The following INTS8 variants were observed in gnomAD, a reference collection of about 807,000 sequenced individuals.
INTS8 encodes the protein integrator complex subunit 8, also known as protein kaonashi-1.
A neutral mutation model predicts 138.9 loss-of-function variants in INTS8; 47 were observed. That is an observed-to-expected ratio of 0.34 (90% confidence interval 0.27 to 0.43). INTS8 has a LOEUF of 0.43. Among genes scored for constraint, INTS8 ranks in the 20% least tolerant of loss-of-function variants. INTS8 has a pLI of 1.00. For missense variants in INTS8, 996 were observed against 1,173.0 expected (o/e 0.85, Z 2.20); for synonymous variants, 392 against 400.9 (o/e 0.98, Z 0.27).
In INTS8 at chr8:94,823,316, C is replaced by T. The variant is rs1308390439; in HGVS notation, c.-116C>T. On this transcript the variant is annotated 5_prime_UTR_variant, in exon 1 of 27. The change creates a new upstream start codon in the 5' untranslated region. Coordinates refer to ENST00000523731, the MANE Select transcript of INTS8 (RefSeq NM_017864.4). The stretch of plus-strand genomic sequence containing the variant: ...TTTTGGATTGTGTGAGTTTCCGGGA[C>T]GTTCGGAGGGTGGCCTCTCTCCCAC... 15 of 1,520,208 alleles carry T rather than the reference C, an allele frequency of 9.9e-6. No individual in the cohort carries two copies. Among genetic ancestry groups the T allele is most frequent in the African/African-American group, 4.1e-5 (3 of 72,564 alleles). 94.2% of individuals were successfully genotyped at this position (1,520,208 alleles called of 1,614,324 possible).
In INTS8 at chr8:94,865,702, T is replaced by A. The variant is rs1435110364; in HGVS notation, c.2261+12T>A. The A allele has an allele frequency of 6.2e-7, 1 of 1,607,906 alleles. No homozygotes were observed. The highest frequency in any genetic ancestry group is 8.5e-7 in the Non-Finnish European group (1 of 1,174,912). ...GGTATCATGTATCGGTATGTATTGG[T>A]ACGTTTCTATTAGTTGTGTTTGAGT... On this transcript the variant is annotated intron_variant, in intron 17 of 26. Transcript: ENST00000523731.
chr8:94,853,721 C>T (rs1586500773), intron 13 of INTS8, 84 bp from the exon 14 acceptor site: 6 of 717,824 alleles, frequency 8.4e-6, no homozygotes, highest in African/African-American at 3.6e-5. Context: ...GTTTTAAATG[C>T]GATTGAAGAT....
rs555879473 is a variant in INTS8, at chr8:94,825,833, G to T, written c.305+766G>T. ...TAGGAAATAATTGGGGAGGAGAGGGGTTTTTTTTGACATTTTCATGTAATT... is the reference window on the plus strand; with the variant it reads ...TAGGAAATAATTGGGGAGGAGAGGGTTTTTTTTTGACATTTTCATGTAATT... On this transcript the variant is annotated intron_variant, in intron 2 of 26. Transcript: ENST00000523731. 2.1e-3 allele frequency among the ~76,000 whole-genome samples: 324 copies of T among 151,718 alleles called. 2 individuals are homozygous for T. The highest frequency in any genetic ancestry group is 6.0e-3 in the African/African-American group (248 of 41,436).
intron 10 of INTS8, among the ~76,000 whole-genome samples, chr8:94,847,726 T>G (rs955667657): frequency 6.6e-6 from 1 of 152,150 alleles, no homozygotes; most frequent in Non-Finnish European, 1.5e-5. Context: ...GTGCATGAAA[T>G]TCACATAACA....
chr8:94,868,074 A>G (rs1167125721), intron 20 of INTS8, among the ~76,000 whole-genome samples: 1 of 152,196 alleles, frequency 6.6e-6, no homozygotes, highest in African/African-American at 2.4e-5. Flanking sequence ...GTAGGAACTA[A>G]ACTAAACTTC....
In INTS8 at chr8:94,841,572, T is replaced by C. The variant is rs1586483777; in HGVS notation, c.1099T>C (p.Phe367Leu). 2 of 1,590,880 alleles carry C rather than the reference T, an allele frequency of 1.3e-6. No homozygotes were observed. Residue 367 changes from phenylalanine to leucine, a missense_variant, in exon 9 of 27, where the codon TTT becomes CTT. Coordinates refer to ENST00000523731, the MANE Select transcript of INTS8 (RefSeq NM_017864.4). The part of the protein sequence containing the change: ...QFRQSVLREL[F>L]KKAQQGNEAL... ...CCGACAGTCAGTCCTAAGAGAACTC[T>C]TTAAGAAAGCTCAACAGGGGTAAGT... is the stretch of plus-strand genomic sequence containing the variant.
At chr8:94,858,422 A>C (rs1586507453) in intron 15 of INTS8, among the ~76,000 whole-genome samples, 1 of 152,326 alleles carries the variant, frequency 6.6e-6, no homozygotes, top group East Asian at 1.9e-4. Context: ...TGTCTTCATG[A>C]GGATTGATCT....
intron 23 of INTS8, 121 bp from the exon 24 acceptor site, chr8:94,875,953 A>G (rs1816550773): frequency 1.4e-6 from 1 of 716,764 alleles, no homozygotes; most frequent in Non-Finnish European, 2.5e-6. Context: ...ATTGGATGGA[A>G]TCCATAACTA....
intron 2 of INTS8, among the ~76,000 whole-genome samples, chr8:94,827,059 T>C (rs1814535360): frequency 2.6e-5 from 4 of 152,186 alleles, no homozygotes; most frequent in Admixed American, 2.6e-4. Context: ...GAGCCAAGAT[T>C]GTGCCACTGC....
chr8:94,836,577 T>C lies in INTS8; in HGVS notation c.807T>C (p.Ala269=), dbSNP rs1280788417. The C allele has an allele frequency of 1.2e-6, 2 of 1,614,000 alleles. No homozygotes were observed. The highest frequency in any genetic ancestry group is 2.2e-5 in the East Asian group (1 of 44,880). ...TCCAGCAAGGCTCCACAAATTCAGC[T>C]GTCTATGAAAATGCCAGGGAAAAAT... is the stretch of plus-strand genomic sequence containing the variant. ...AYFQQGSTNS[A]VYENAREKFF... Residue 269 remains alanine (A), a synonymous_variant, in exon 7 of 27, where the codon GCT becomes GCC. Transcript: ENST00000523731.
At chr8:94,836,162 G>A (rs914724540) in intron 6 of INTS8, among the ~76,000 whole-genome samples, 5 of 152,128 alleles carry the variant, frequency 3.3e-5, no homozygotes, top group African/African-American at 9.7e-5. Flanking sequence ...GGTCTGGTCC[G>A]GGTGGCTATG....
At chr8:94,866,911 C>G (rs1487694269) in intron 18 of INTS8, 1 of 454,128 alleles carries the variant, frequency 2.2e-6, no homozygotes, top group Non-Finnish European at 3.9e-6. Flanking sequence ...GCACCATAAG[C>G]CAAACATTTA....
chr8:94,861,681 T>A (rs1385830549), intron 16 of INTS8, among the ~76,000 whole-genome samples: 7 of 151,640 alleles, frequency 4.6e-5, no homozygotes, highest in Non-Finnish European at 8.8e-5. Context: ...GCCCCCCGAG[T>A]AGCTGGGATT....
intron 6 of INTS8, among the ~76,000 whole-genome samples, chr8:94,833,044 A>G (rs370629174): frequency 6.6e-6 from 1 of 150,530 alleles, no homozygotes; most frequent in Non-Finnish European, 1.5e-5. Context: ...TTTTTTTTTA[A>G]TATGTTCTGC....
chr8:94,831,482 CTTTTTTT>C (rs11482467), intron 5 of INTS8, among the ~76,000 whole-genome samples: 4 of 121,580 alleles, frequency 3.3e-5, no homozygotes, highest in South Asian at 2.7e-4. Context: ...TTGTCTTTTT[CTTTTTTT>C]TTTTTTTTTT....
intron 26 of INTS8, chr8:94,879,902 C>A (rs530451100): frequency 1.9e-4 from 64 of 343,610 alleles, no homozygotes; most frequent in Non-Finnish European, 3.0e-4. Context: ...TAAGTAATTC[C>A]ATAAACTATG....
rs536853569 is a variant in INTS8 at position 94,834,180 on chromosome 8, T to C, written c.753+2006T>C. ...CTTAATGCCCTTCAGGGCAGCTTCATTATCAGGCTTTTTTGTTTTTACAGT... is the reference window on the plus strand; with the variant it reads ...CTTAATGCCCTTCAGGGCAGCTTCACTATCAGGCTTTTTTGTTTTTACAGT... On this transcript the variant is annotated intron_variant, in intron 6 of 26. Coordinates refer to ENST00000523731, the MANE Select transcript of INTS8 (RefSeq NM_017864.4). Among the ~76,000 whole-genome samples the C allele has an allele frequency of 5.9e-5, 9 of 152,324 alleles. No individual in the cohort carries two copies. In the South Asian group the frequency reaches 1.9e-3, roughly 32 times the overall value.
intron 7 of INTS8, 114 bp from the exon 8 acceptor site, chr8:94,838,349 C>A: frequency 1.2e-6 from 1 of 846,420 alleles, no homozygotes; most frequent in Non-Finnish European, 1.8e-6. Flanking sequence ...TGTGCCCAGC[C>A]CGGCTTGAAT....
chr8:94,829,243 A>G (rs565361421), intron 5 of INTS8, among the ~76,000 whole-genome samples: 2 of 151,978 alleles, frequency 1.3e-5, no homozygotes, highest in Non-Finnish European at 2.9e-5. Flanking sequence ...TGTAATATAT[A>G]TGGAAATAAT....
Sources: gnomAD v4.1 joint callset for allele counts (sites outside exome capture counted in the v4.1 genomes callset) on GRCh38, gnomAD v4.1.1 for gene constraint, MANE v1.5 for transcripts, NCBI Gene and HGNC (gene_info 2026-07-23, HGNC 2026-07-21) for gene names.